Variants in SLC9A7 observed in about 807,000 individuals in gnomAD.
SLC9A7 encodes the protein solute carrier family 9 member A7.
SLC9A7 carries 19 observed loss-of-function variants against 52.6 expected under a neutral mutation model. The ratio of observed to expected loss-of-function variants is 0.36; its 90% CI spans 0.25 to 0.53. SLC9A7 has a LOEUF of 0.53. Among genes scored for constraint, SLC9A7 ranks in the 20% least tolerant of loss-of-function variants. The pLI is 0.91. For missense variants in SLC9A7, 455 were observed against 597.9 expected, an observed-to-expected ratio of 0.76 and a Z score of 2.49; for synonymous variants, 226 against 252.1, an observed-to-expected ratio of 0.90 and a Z score of 0.98.
intron 10 of SLC9A7, among the ~76,000 whole-genome samples, chrX:46,649,889 C>G (rs1458418238): frequency 8.9e-6 from 1 of 112,569 alleles, no homozygotes; most frequent in Non-Finnish European, 1.9e-5. Context: ...CATCTGTAAA[C>G]AGGGCTGTGC....
chrX:46,626,509 A>C (rs1214932630), intron 14 of SLC9A7, among the ~76,000 whole-genome samples: 1 of 112,679 alleles, frequency 8.9e-6, no homozygotes, highest in African/African-American at 3.2e-5. Flanking sequence ...TCCTGACCTC[A>C]GGTGATCCAC....
chrX:46,701,219 C>A (rs971629635), intron 1 of SLC9A7, among the ~76,000 whole-genome samples: 1 of 111,736 alleles, frequency 8.9e-6, no homozygotes, highest in African/African-American at 3.3e-5. Context: ...CACAACAATT[C>A]TTAAAAAGGG....
At chrX:46,716,119 G>C (rs1944764682) in intron 1 of SLC9A7, among the ~76,000 whole-genome samples, 1 of 111,007 alleles carries the variant, frequency 9.0e-6, no homozygotes, top group Admixed American at 9.7e-5. Context: ...TAAGTGGTCT[G>C]CTCAAGTGAA....
At chrX:46,653,779 C>G in intron 7 of SLC9A7, 65 bp from the exon 8 acceptor site, 1 of 873,319 alleles carries the variant, frequency 1.1e-6, no homozygotes, top group Non-Finnish European at 1.7e-6. Flanking sequence ...AACCATACTC[C>G]ACTAGCCCAG....
At chrX:46,700,578 C>T (rs1220599466) in intron 1 of SLC9A7, among the ~76,000 whole-genome samples, 2 of 112,382 alleles carry the variant, frequency 1.8e-5, no homozygotes, top group Non-Finnish European at 3.8e-5. Flanking sequence ...AACTCTTAAC[C>T]ATTCTTTAAG....
intron 1 of SLC9A7, among the ~76,000 whole-genome samples, chrX:46,704,464 T>C (rs1944576008): frequency 8.9e-6 from 1 of 112,187 alleles, no homozygotes; most frequent in South Asian, 3.7e-4. Context: ...CAAAACAGTA[T>C]CTGGAAAGAT....
At chrX:46,669,782 G>A (rs1943988882) in intron 4 of SLC9A7, 63 bp from the exon 5 acceptor site, 3 of 535,334 alleles carry the variant, frequency 5.6e-6, no homozygotes, top group Non-Finnish European at 9.2e-6. Flanking sequence ...AAACACGCAA[G>A]CAGAATAGCA....
chrX:46,648,282 G>A (rs1284134441), intron 11 of SLC9A7, among the ~76,000 whole-genome samples: 2 of 112,058 alleles, frequency 1.8e-5, no homozygotes, highest in African/African-American at 6.5e-5. Context: ...GGAGGATACT[G>A]CGGCTGGGAG....
chrX:46,714,208 T>TA (rs368226121), intron 1 of SLC9A7, among the ~76,000 whole-genome samples: 416 of 104,120 alleles, frequency 4.0e-3, no homozygotes, highest in African/African-American at 0.011. Flanking sequence ...ACTTTACAGT[T>TA]AAAAAAAAAA....
rs770846350 is a variant in SLC9A7 at position 46,672,602 on chromosome X, G to A, written c.629C>T (p.Ser210Phe). The change falls in exon 4 of 17, where the codon TCT (serine) becomes TTT (phenylalanine). Residue 210 changes from serine (S) to phenylalanine (F), a missense_variant. Ser to Phe is a radical substitution (Grantham distance 155, BLOSUM62 -2). Around this residue, in one of 3 missense-constraint regions of SLC9A7, gnomAD observed 304 missense variants for 417.8 expected, o/e 0.73. Coordinates refer to ENST00000616978, the MANE Select transcript of SLC9A7 (RefSeq NM_001257291.2). ...CCCCAAGAAGGCATAGGCCAGTATAGATCCAAGATTTCTGAAAAAGTGTCT... is the reference window on the plus strand; with the variant it reads ...CCCCAAGAAGGCATAGGCCAGTATAAATCCAAGATTTCTGAAAAAGTGTCT... ...KKRHFFRNLG[S>F]ILAYAFLGTA... 1.1e-5 allele frequency: 13 copies of A among 1,203,326 alleles called. No individual in the cohort carries two copies. In the Admixed American group the frequency reaches 2.9e-4, roughly 26 times the overall value.
chrX:46,600,157 C>A lies in SLC9A7; in HGVS notation c.*6795G>T. ...AATCATCCCTCTGCTTCTCCAAAGC[C>A]CACAATTGGAATAATCACAACACAA... On this transcript the variant is annotated 3_prime_UTR_variant, in exon 17 of 17. Coordinates refer to ENST00000616978, the MANE Select transcript of SLC9A7 (RefSeq NM_001257291.2). The A allele has an allele frequency of 8.9e-6, 1 of 112,094 alleles. No homozygotes were observed. Among genetic ancestry groups the A allele is most frequent in the South Asian group, 3.7e-4 (1 of 2,719 alleles). The allele number at this position is 112,094 out of a possible 1,213,427, so 9.2% of individuals were successfully genotyped here.
chrX:46,742,708 T>C (rs954830537), intron 1 of SLC9A7, among the ~76,000 whole-genome samples: 6 of 112,003 alleles, frequency 5.4e-5, no homozygotes, highest in African/African-American at 1.9e-4. Context: ...TAAAACTGTA[T>C]ATCAAAAGTA....
chrX:46,730,670 T>TAATA (rs1491295251), intron 1 of SLC9A7, among the ~76,000 whole-genome samples: 4 of 42,917 alleles, frequency 9.3e-5, no homozygotes, highest in African/African-American at 2.6e-4. Flanking sequence ...AAAAAAAAAA[T>TAATA]TATATATATA....
chrX:46,693,680 A>G (rs1944411083), intron 1 of SLC9A7, among the ~76,000 whole-genome samples: 1 of 110,986 alleles, frequency 9.0e-6, no homozygotes, highest in South Asian at 3.7e-4. Context: ...AGGGGAAAAA[A>G]TCTGTGAGTT....
intron 16 of SLC9A7, among the ~76,000 whole-genome samples, chrX:46,607,447 T>G (rs1029788986): frequency 1.8e-5 from 2 of 110,962 alleles, no homozygotes; most frequent in African/African-American, 6.6e-5. Context: ...TTGGGGTTAG[T>G]GAAAAAGGGA....
intron 4 of SLC9A7, among the ~76,000 whole-genome samples, chrX:46,670,817 T>C (rs140847540): frequency 4.1e-4 from 46 of 112,282 alleles, no homozygotes; most frequent in African/African-American, 1.5e-3. Context: ...AGGAATTGTA[T>C]GTTACAGATT....
At chrX:46,742,962 G>A (rs992457080) in intron 1 of SLC9A7, among the ~76,000 whole-genome samples, 2 of 110,028 alleles carry the variant, frequency 1.8e-5, no homozygotes, top group Non-Finnish European at 3.8e-5. Flanking sequence ...TGAGGCAGGA[G>A]ATCACTTGAA....
At chrX:46,667,391 T>A (rs1852416290) in intron 5 of SLC9A7, among the ~76,000 whole-genome samples, 1 of 111,581 alleles carries the variant, frequency 9.0e-6, no homozygotes, top group Non-Finnish European at 1.9e-5. Context: ...AATGTTTTTT[T>A]TTTTGAACAT....
chrX:46,680,922 T>C (rs891419155), intron 2 of SLC9A7, among the ~76,000 whole-genome samples: 4 of 112,246 alleles, frequency 3.6e-5, no homozygotes, highest in African/African-American at 1.3e-4. Context: ...AATGTCAGAA[T>C]GAGAAGGAGC....
Sources: allele counts gnomAD v4.1 joint callset (sites outside exome capture counted in the v4.1 genomes callset), GRCh38; gene constraint gnomAD v4.1.1; regional missense constraint gnomAD v4.1.1; transcripts MANE v1.5; gene names NCBI Gene and HGNC (gene_info 2026-07-23, HGNC 2026-07-21).